MACROD2: variants seen among roughly 807,000 people sequenced by gnomAD.
MACROD2 encodes ADP-ribose glycohydrolase MACROD2.
In MACROD2, 36 loss-of-function variants were observed where a neutral mutation model predicts 70.4. The ratio of observed to expected loss-of-function variants is 0.51; its 90% CI spans 0.39 to 0.68. MACROD2 has a LOEUF of 0.68. MACROD2 is among the 30% of genes least tolerant of loss of function. MACROD2 has a pLI of 0.00. For missense variants in MACROD2, 496 were observed against 538.4 expected, an observed-to-expected ratio of 0.92 and a Z score of 0.78; for synonymous variants, 172 against 178.8, an observed-to-expected ratio of 0.96 and a Z score of 0.30.
At chr20:15,581,259 A>AT (rs2048519789) in intron 8 of MACROD2, among the ~76,000 whole-genome samples, 1 of 152,094 alleles carries the variant, frequency 6.6e-6, no homozygotes, top group Admixed American at 6.6e-5. Flanking sequence ...CAATCCAACC[A>AT]TTTTTCACTG....
chr20:14,117,280 GAACTTTTGATACTTT>G, intron 3 of MACROD2, among the ~76,000 whole-genome samples: 1 of 152,174 alleles, frequency 6.6e-6, no homozygotes, highest in Middle Eastern at 3.4e-3. Flanking sequence ...AGTGACTATA[GAACTTTTGATACTTT>G]AACTTTTTTC....
chr20:15,669,863 C>T (rs529948339), intron 8 of MACROD2, among the ~76,000 whole-genome samples: 1 of 152,272 alleles, frequency 6.6e-6, no homozygotes, highest in African/African-American at 2.4e-5. Context: ...TGGAGTGCTA[C>T]CAACAACTAG....
At chr20:14,138,128 A>T (rs2054823820) in intron 3 of MACROD2, among the ~76,000 whole-genome samples, 1 of 152,206 alleles carries the variant, frequency 6.6e-6, no homozygotes, top group Non-Finnish European at 1.5e-5. Context: ...TGATGTGGAG[A>T]AAAGGGAACC....
At chr20:14,119,063 G>C (rs1200348980) in intron 3 of MACROD2, among the ~76,000 whole-genome samples, 2 of 151,042 alleles carry the variant, frequency 1.3e-5, no homozygotes, top group Non-Finnish European at 2.9e-5. Flanking sequence ...GGCCAGGCTG[G>C]TCTCGAACTC....
intron 5 of MACROD2, among the ~76,000 whole-genome samples, chr20:15,026,514 T>C (rs571178162): frequency 1.3e-5 from 2 of 150,822 alleles, no homozygotes; most frequent in South Asian, 4.2e-4. Flanking sequence ...TATAAATATA[T>C]TTTTTATTTA....
In MACROD2 at chr20:14,976,014, G is replaced by T. The variant is rs139814630; in HGVS notation, c.419-253926G>T. 4.5e-3 allele frequency among the ~76,000 whole-genome samples: 688 copies of T among 152,244 alleles called. 2 individuals are homozygous for T. Among genetic ancestry groups the T allele is most frequent in the African/African-American group, 0.016 (667 of 41,548 alleles). On this transcript the variant is annotated intron_variant, in intron 5 of 17. Coordinates refer to ENST00000684519, the MANE Select transcript of MACROD2 (RefSeq NM_001351661.2). The stretch of plus-strand genomic sequence containing the variant: ...CTCTGCAGAAGTAGTCTTGGCAGAG[G>T]CCAGCATAGAGGATATTCCCCAAGA...
chr20:14,509,699 A>G (rs2085007957), intron 4 of MACROD2, among the ~76,000 whole-genome samples: 1 of 151,964 alleles, frequency 6.6e-6, no homozygotes, highest in Non-Finnish European at 1.5e-5. Flanking sequence ...AAATGAGTTA[A>G]TACAAGTTAA....
chr20:14,890,757 AG>A (rs1434425961), intron 5 of MACROD2, among the ~76,000 whole-genome samples: 7 of 95,260 alleles, frequency 7.3e-5, no homozygotes, highest in Non-Finnish European at 1.1e-4. Context: ...GTCCAAAAAC[AG>A]AAAAAAAAAA....
At chr20:15,205,714 C>A (rs753292409) in intron 5 of MACROD2, among the ~76,000 whole-genome samples, 2 of 152,164 alleles carry the variant, frequency 1.3e-5, no homozygotes, top group Non-Finnish European at 2.9e-5. Flanking sequence ...GCCACAAATT[C>A]TTTGTTGGTG....
At chr20:14,132,506 A>G (rs1373868970) in intron 3 of MACROD2, among the ~76,000 whole-genome samples, 4 of 152,240 alleles carry the variant, frequency 2.6e-5, no homozygotes, top group African/African-American at 9.6e-5. Flanking sequence ...TCAAATATAC[A>G]TATAAACAGC....
chr20:15,243,089 C>T (rs1465872566), intron 6 of MACROD2, among the ~76,000 whole-genome samples: 2 of 152,138 alleles, frequency 1.3e-5, no homozygotes, highest in African/African-American at 4.8e-5. Flanking sequence ...ATGCAGGCTG[C>T]ACCCAGGAAC....
chr20:15,914,264 G>A (rs550137523), intron 10 of MACROD2, among the ~76,000 whole-genome samples: 1 of 152,172 alleles, frequency 6.6e-6, no homozygotes, highest in Non-Finnish European at 1.5e-5. Context: ...CTATCGCAGA[G>A]CAATTTCTGT....
intron 8 of MACROD2, among the ~76,000 whole-genome samples, chr20:15,757,724 A>G (rs1324815776): frequency 6.6e-6 from 1 of 152,114 alleles, no homozygotes; most frequent in African/African-American, 2.4e-5. Flanking sequence ...TTTTCTTCTC[A>G]CTGTGTCTTC....
chr20:15,874,632 T>A (rs1036235765), intron 9 of MACROD2, among the ~76,000 whole-genome samples: 3 of 152,164 alleles, frequency 2.0e-5, no homozygotes, highest in Non-Finnish European at 4.4e-5. Flanking sequence ...TGGTATCTCA[T>A]TGTGGTTTCA....
At chr20:15,030,142 G>A (rs1170271445) in intron 5 of MACROD2, among the ~76,000 whole-genome samples, 2 of 151,138 alleles carry the variant, frequency 1.3e-5, no homozygotes, top group Non-Finnish European at 2.9e-5. Context: ...GTGTACTCCA[G>A]CAGATTTCTG....
At chr20:15,985,275 G>A (rs1348757145) in intron 13 of MACROD2, among the ~76,000 whole-genome samples, 5 of 152,050 alleles carry the variant, frequency 3.3e-5, no homozygotes, top group African/African-American at 9.7e-5. Flanking sequence ...GACAAAGAAC[G>A]GGTATGGAGG....
At chr20:14,523,408 G>T (rs1015110343) in intron 4 of MACROD2, 2 of 152,132 alleles carry the variant, frequency 1.3e-5, no homozygotes, top group African/African-American at 4.8e-5. Flanking sequence ...ATCACCTGTG[G>T]GTTCAGAATC....
chr20:14,851,673 G>A (rs1263003976), intron 5 of MACROD2, among the ~76,000 whole-genome samples: 2 of 152,136 alleles, frequency 1.3e-5, no homozygotes, highest in African/African-American at 4.8e-5. Flanking sequence ...ACACAAAGAT[G>A]TACACGGATC....
At chr20:14,584,990 T>C (rs1231176867) in intron 4 of MACROD2, among the ~76,000 whole-genome samples, 4 of 152,198 alleles carry the variant, frequency 2.6e-5, no homozygotes, top group Non-Finnish European at 5.9e-5. Context: ...ACAAATCTTC[T>C]TTCAACAAAG....
Sources: allele counts gnomAD v4.1 joint callset (sites outside exome capture counted in the v4.1 genomes callset), GRCh38; gene constraint gnomAD v4.1.1; transcripts MANE v1.5; gene names NCBI Gene and HGNC (gene_info 2026-07-23, HGNC 2026-07-21).